NBEA: variants seen among roughly 807,000 people sequenced by gnomAD.
NBEA encodes neurobeachin, also known as lysosomal-trafficking regulator 2.
NBEA carries 44 observed loss-of-function variants against 343.4 expected under a neutral mutation model. The observed-to-expected ratio is 0.13, with a 90% CI of 0.10 to 0.16. NBEA has a LOEUF of 0.16. Ranked by LOEUF, NBEA falls within the 10% of genes least tolerant of loss-of-function variation. The pLI is 1.00. For synonymous variants in NBEA, 1,175 were observed against 1,238.7 expected (o/e 0.95, Z 1.08); for missense variants, 2,555 against 3,631.3 (o/e 0.70, Z 7.62).
intron 29 of NBEA, among the ~76,000 whole-genome samples, chr13:35,182,855 T>C (rs1458795257): frequency 6.6e-6 from 1 of 151,926 alleles, no homozygotes; most frequent in Non-Finnish European, 1.5e-5. Context: ...TTTATAAACA[T>C]GAAAGTAGAA....
intron 36 of NBEA, 105 bp from the exon 37 acceptor site, chr13:35,349,003 T>C (rs2040033328): frequency 4.7e-6 from 2 of 427,416 alleles, no homozygotes; most frequent in Non-Finnish European, 8.4e-6. Context: ...TCTAGCTTTA[T>C]CTAAAACTTA....
At chr13:35,254,698 G>A (rs530802636) in intron 34 of NBEA, among the ~76,000 whole-genome samples, 13 of 151,906 alleles carry the variant, frequency 8.6e-5, no homozygotes, top group African/African-American at 2.4e-4. Context: ...TTTTTTTCAA[G>A]ATAAAGACAG....
intron 38 of NBEA, among the ~76,000 whole-genome samples, chr13:35,367,797 A>G (rs922260614): frequency 1.3e-5 from 2 of 151,484 alleles, no homozygotes; most frequent in African/African-American, 4.8e-5. Flanking sequence ...AATATAAACT[A>G]TCACACTGGC....
intron 57 of NBEA, 37 bp from the exon 58 acceptor site, chr13:35,668,331 T>C (rs2085452787): frequency 6.5e-7 from 1 of 1,530,388 alleles, no homozygotes; most frequent in African/African-American, 1.4e-5. Context: ...TATTTTATTT[T>C]GTTTTTTTTT....
intron 38 of NBEA, among the ~76,000 whole-genome samples, chr13:35,374,253 G>A (rs753358311): frequency 3.3e-5 from 5 of 152,136 alleles, no homozygotes; most frequent in East Asian, 1.9e-4. Flanking sequence ...GAAACAAGGC[G>A]AACAGCTGGT....
chr13:35,092,139 A>G (rs971008245), intron 10 of NBEA, among the ~76,000 whole-genome samples: 1 of 151,956 alleles, frequency 6.6e-6, no homozygotes, highest in African/African-American at 2.4e-5. Context: ...ATTTTTGGCA[A>G]AGGTGCAAAA....
At chr13:35,027,334 G>C (rs1288085809) in intron 1 of NBEA, among the ~76,000 whole-genome samples, 1 of 151,768 alleles carries the variant, frequency 6.6e-6, no homozygotes, top group Non-Finnish European at 1.5e-5. Context: ...ACTATTTTCA[G>C]AGTGATTGTA....
chr13:35,668,580 C>T, intron 58 of NBEA, 61 bp downstream of exon 58: 5 of 1,457,158 alleles, frequency 3.4e-6, no homozygotes, highest in Non-Finnish European at 4.6e-6. Flanking sequence ...TCTCTTCATT[C>T]TACCAAGGGT....
intron 56 of NBEA, 61 bp downstream of exon 56, chr13:35,665,247 G>T: frequency 7.6e-7 from 1 of 1,313,746 alleles, no homozygotes; most frequent in East Asian, 2.5e-5. Flanking sequence ...CACACTAAGC[G>T]TGATTGTCAG....
chr13:34,952,611 A>G (rs1393580634), intron 1 of NBEA, among the ~76,000 whole-genome samples: 1 of 152,148 alleles, frequency 6.6e-6, no homozygotes, highest in Non-Finnish European at 1.5e-5. Flanking sequence ...GAATAAAACA[A>G]ATGAGTTATA....
chr13:35,330,148 A>AT (rs1417425376), intron 36 of NBEA, among the ~76,000 whole-genome samples: 1 of 152,016 alleles, frequency 6.6e-6, no homozygotes, highest in Admixed American at 6.6e-5. Context: ...TGAGCAAGTT[A>AT]CTTAATCTGT....
intron 44 of NBEA, among the ~76,000 whole-genome samples, chr13:35,557,192 A>T (rs781209963): frequency 6.6e-6 from 1 of 152,070 alleles, no homozygotes; most frequent in Non-Finnish European, 1.5e-5. Context: ...TCTGGATGGA[A>T]TGTTTTCTAG....
intron 44 of NBEA, among the ~76,000 whole-genome samples, chr13:35,566,128 C>T (rs1009721479): frequency 5.9e-5 from 9 of 152,012 alleles, no homozygotes; most frequent in African/African-American, 9.7e-5. Context: ...TTTTGGAGGC[C>T]GAGGCAGATG....
chr13:35,511,400 G>A (rs2077270925), intron 41 of NBEA, among the ~76,000 whole-genome samples: 1 of 152,016 alleles, frequency 6.6e-6, no homozygotes, highest in Admixed American at 6.6e-5. Flanking sequence ...ATACAACTCA[G>A]AACACGTAAG....
In NBEA at chr13:34,951,271, G is replaced by T. The variant is rs138849228; in HGVS notation, c.294+8157G>T. Among the ~76,000 whole-genome samples, 265 of 152,212 alleles carry T rather than the reference G, an allele frequency of 1.7e-3. 3 individuals carry two copies. In the South Asian group the frequency reaches 0.038, roughly 22 times the overall value. On this transcript the variant is annotated intron_variant, in intron 1 of 58. Transcript: ENST00000379939. ...TATATTATTTTTACATCCATGTTAT[G>T]AAATAACATACAGCTATTAAAACAT... is the stretch of plus-strand genomic sequence containing the variant.
chr13:35,260,596 T>G (rs749922710), intron 34 of NBEA, among the ~76,000 whole-genome samples: 1 of 152,224 alleles, frequency 6.6e-6, no homozygotes, highest in South Asian at 2.1e-4. Flanking sequence ...CAGGAAGTTA[T>G]GGAGCAGAAT....
intron 1 of NBEA, among the ~76,000 whole-genome samples, chr13:35,029,362 G>A (rs1402625702): frequency 1.3e-5 from 2 of 151,512 alleles, no homozygotes; most frequent in Admixed American, 6.6e-5. Flanking sequence ...ATTGATATTT[G>A]TAGATTTAAT....
intron 41 of NBEA, among the ~76,000 whole-genome samples, chr13:35,499,211 G>C (rs1292855856): frequency 2.6e-5 from 4 of 152,006 alleles, no homozygotes; most frequent in African/African-American, 9.7e-5. Flanking sequence ...TTTGGTTTTG[G>C]CAGCACTTCT....
intron 1 of NBEA, among the ~76,000 whole-genome samples, chr13:34,991,141 TC>T (rs1017066221): frequency 2.6e-5 from 4 of 152,232 alleles, no homozygotes; most frequent in African/African-American, 9.6e-5. Flanking sequence ...TCCTTGGTCT[TC>T]CTGTCTTATG....
Sources: allele counts gnomAD v4.1 joint callset (sites outside exome capture counted in the v4.1 genomes callset), GRCh38; gene constraint gnomAD v4.1.1; transcripts MANE v1.5; gene names NCBI Gene and HGNC (gene_info 2026-07-23, HGNC 2026-07-21).